PHTF1: variants seen among roughly 807,000 people sequenced by gnomAD.
PHTF1 encodes the protein protein PHTF1.
In PHTF1, 88 loss-of-function variants were observed where a neutral mutation model predicts 102.4. The observed-to-expected ratio is 0.86, with a 90% confidence interval of 0.72 to 1.03. PHTF1 has a LOEUF of 1.03. Among genes scored for constraint, PHTF1 ranks in the 50% least tolerant of loss-of-function variants. PHTF1 has a pLI of 0.00. For missense variants in PHTF1, 814 were observed against 909.5 expected (o/e 0.89, Z 1.35); for synonymous variants, 289 against 305.2 (o/e 0.95, Z 0.55).
intron 6 of PHTF1, chr1:113,725,952 G>C (rs767353043): frequency 6.3e-6 from 1 of 157,710 alleles, no homozygotes; most frequent in Admixed American, 6.6e-5. Context: ...TGGGCAACAA[G>C]AGCGAAACTC....
chr1:113,726,892 A>G (rs1339407537), intron 5 of PHTF1, among the ~76,000 whole-genome samples: 1 of 152,180 alleles, frequency 6.6e-6, no homozygotes, highest in Non-Finnish European at 1.5e-5. Context: ...GTGTTGCTCA[A>G]AGGAAGAGTA....
chr1:113,758,514 C>CTTTTTTTTTTTTTTTTTT (rs200794989), intron 2 of PHTF1, 145 bp downstream of exon 2: 1 of 315,816 alleles, frequency 3.2e-6, no homozygotes, highest in Non-Finnish European at 5.6e-6. Context: ...CCTTGTACAT[C>CTTTTTTTTTTTTTTTTTT]TTTTTTTTTT....
At chr1:113,740,571 C>T (rs1445909374) in intron 3 of PHTF1, among the ~76,000 whole-genome samples, 1 of 152,066 alleles carries the variant, frequency 6.6e-6, no homozygotes, top group Non-Finnish European at 1.5e-5. Context: ...TAGTTTGATA[C>T]AATCCTATTT....
intron 5 of PHTF1, among the ~76,000 whole-genome samples, chr1:113,731,977 T>C (rs1654728332): frequency 1.3e-5 from 2 of 150,390 alleles, no homozygotes; most frequent in Non-Finnish European, 3.0e-5. Flanking sequence ...GCAAAGAGAA[T>C]GTTGTAAAGA....
chr1:113,737,560 C>T (rs1655682903), intron 5 of PHTF1, among the ~76,000 whole-genome samples: 1 of 152,204 alleles, frequency 6.6e-6, no homozygotes, highest in South Asian at 2.1e-4. Flanking sequence ...TGGTGGCTCA[C>T]ATCTGTAATC....
intron 5 of PHTF1, among the ~76,000 whole-genome samples, chr1:113,727,691 G>A (rs1024620378): frequency 6.6e-5 from 10 of 152,154 alleles, no homozygotes; most frequent in African/African-American, 1.4e-4. Flanking sequence ...TGGCGGCTGG[G>A]CATGGTGGCT....
chr1:113,730,996 G>T (rs1034732216), intron 5 of PHTF1, among the ~76,000 whole-genome samples: 1 of 152,138 alleles, frequency 6.6e-6, no homozygotes, highest in African/African-American at 2.4e-5. Flanking sequence ...AATGGTGGTT[G>T]CCAGGGACGA....
chr1:113,749,273 T>G (rs1394921873), intron 3 of PHTF1, among the ~76,000 whole-genome samples: 1 of 152,216 alleles, frequency 6.6e-6, no homozygotes, highest in African/African-American at 2.4e-5. Flanking sequence ...AATTATCCAT[T>G]TATAATTAAC....
At chr1:113,721,024 T>C (rs1428928258) in intron 7 of PHTF1, among the ~76,000 whole-genome samples, 5 of 152,168 alleles carry the variant, frequency 3.3e-5, no homozygotes, top group Admixed American at 1.3e-4. Flanking sequence ...AAGAATCACT[T>C]GAACTGGGAA....
Position 113,704,763 on chromosome 1 carries a change from G to T in PHTF1, c.1706C>A (p.Thr569Asn). The change falls in exon 14 of 19, where the codon ACT becomes AAT. Residue 569 changes from threonine (T) to asparagine (N), a missense_variant. By Grantham distance (65) the Thr-to-Asn change is moderately conservative. Coordinates refer to ENST00000369604, the MANE Select transcript of PHTF1 (RefSeq NM_001323043.2). ...ATATTTCCTAGCTTTCCTGGCAGAAGTAATATGGCTGAAGAGTTTTGCAAA... is the reference window on the plus strand; with the variant it reads ...ATATTTCCTAGCTTTCCTGGCAGAATTAATATGGCTGAAGAGTTTTGCAAA... ...FLFAKLFSHI[T>N]SARKARKYEI... 6.3e-7 allele frequency: 1 copy of T among 1,594,594 alleles called. No homozygotes were observed. Among genetic ancestry groups the T allele is most frequent in the Non-Finnish European group, 8.6e-7 (1 of 1,163,836 alleles).
chr1:113,742,381 T>C (rs925312409), intron 3 of PHTF1, among the ~76,000 whole-genome samples: 1 of 152,162 alleles, frequency 6.6e-6, no homozygotes, highest in East Asian at 1.9e-4. Context: ...CCCAGCACTT[T>C]AGAAGGCCAA....
At chr1:113,726,647 T>C (rs2101459478) in intron 5 of PHTF1, 73 bp from the exon 6 acceptor site, 3 of 965,708 alleles carry the variant, frequency 3.1e-6, no homozygotes, top group East Asian at 5.7e-5. Context: ...ACTATACAAA[T>C]TGTTTCTATA....
In PHTF1 at chr1:113,710,020, GA is replaced by G. The variant is rs980095111; in HGVS notation, c.1269+233del. Among the ~76,000 whole-genome samples the G allele has an allele frequency of 3.5e-4, 53 of 152,124 alleles. 1 individual carries two copies. Among genetic ancestry groups the G allele is most frequent in the South Asian group, 2.9e-3 (14 of 4,816 alleles). On this transcript the variant is annotated intron_variant, in intron 11 of 18. Coordinates refer to ENST00000369604, the MANE Select transcript of PHTF1 (RefSeq NM_001323043.2). ...AGGACCATTCTAAGGAAAATAATAAGAAAAAGTAATATACAGAAAAATTTAG... is the reference window on the plus strand; with the variant it reads ...AGGACCATTCTAAGGAAAATAATAAGAAAAGTAATATACAGAAAAATTTAG...
chr1:113,709,310 C>T (rs1014501198), intron 11 of PHTF1, among the ~76,000 whole-genome samples: 1 of 151,968 alleles, frequency 6.6e-6, no homozygotes, highest in Non-Finnish European at 1.5e-5. Context: ...TTTAATGAAG[C>T]GATTTTTTAA....
chr1:113,710,611 A>C (rs1650921496), intron 10 of PHTF1, 136 bp from the exon 11 acceptor site: 1 of 647,344 alleles, frequency 1.5e-6, no homozygotes, highest in African/African-American at 1.8e-5. Context: ...TCATTTTTTC[A>C]CAGGGCTTCA....
intron 17 of PHTF1, chr1:113,698,773 A>T (rs1434937029): frequency 4.5e-6 from 1 of 222,650 alleles, no homozygotes; most frequent in African/African-American, 2.4e-5. Context: ...AGCATTTTGA[A>T]TCTACACAGC....
At chr1:113,710,196 C>T (rs906147852) in intron 11 of PHTF1, 58 bp downstream of exon 11, 2 of 1,218,226 alleles carry the variant, frequency 1.6e-6, no homozygotes, top group Admixed American at 3.5e-5. Context: ...TGACAGAGTG[C>T]CTGACACACA....
At chr1:113,716,642 G>A (rs1481399174) in intron 7 of PHTF1, among the ~76,000 whole-genome samples, 6 of 152,038 alleles carry the variant, frequency 3.9e-5, no homozygotes. Flanking sequence ...GAGCCACTAT[G>A]TCCAGCCGGT....
At chr1:113,697,781 A>T (rs577185164) in intron 18 of PHTF1, 56 bp from the exon 19 acceptor site, 2 of 1,226,208 alleles carry the variant, frequency 1.6e-6, no homozygotes, top group Non-Finnish European at 2.4e-6. Context: ...GGTGGGATTT[A>T]TAGGTACACT....
Sources: gnomAD v4.1 joint callset for allele counts (sites outside exome capture counted in the v4.1 genomes callset) on GRCh38, gnomAD v4.1.1 for gene constraint, MANE v1.5 for transcripts, NCBI Gene and HGNC (gene_info 2026-07-23, HGNC 2026-07-21) for gene names.